The following CLVS2 variants were observed in gnomAD, a reference collection of about 807,000 sequenced individuals.
CLVS2 encodes the protein clavesin 2.
CLVS2 carries 19 observed loss-of-function variants against 29.0 expected under a neutral mutation model. The observed-to-expected ratio is 0.66, with a 90% CI of 0.46 to 0.96. CLVS2 has a LOEUF of 0.96. Among genes scored for constraint, CLVS2 ranks in the 40% least tolerant of loss-of-function variants. The pLI, the probability that CLVS2 is intolerant of heterozygous loss-of-function variation, is 0.00. For missense variants in CLVS2, 294 were observed against 404.1 expected, an observed-to-expected ratio of 0.73 and a Z score of 2.34; for synonymous variants, 161 against 151.3, an observed-to-expected ratio of 1.06 and a Z score of -0.47.
At position 123,031,013 on chromosome 6, in the gene CLVS2, G is replaced by A. The variant is rs537358385; in HGVS notation, c.565-17609G>A. On this transcript the variant is annotated intron_variant, in intron 3 of 5. Transcript: ENST00000275162. ...AGTGGCACAATCATGGCTCTTTGCCGCCTCAACCTCCTGGGCTCAAGTGAT... is the reference window on the plus strand; with the variant it reads ...AGTGGCACAATCATGGCTCTTTGCCACCTCAACCTCCTGGGCTCAAGTGAT... Among the ~76,000 whole-genome samples, 277 of 151,700 alleles carry A rather than the reference G, an allele frequency of 1.8e-3. 1 individual carries two copies. Among genetic ancestry groups the A allele is most frequent in the Non-Finnish European group, 3.0e-3 (204 of 67,932 alleles).
chr6:123,037,373 GGTAT>G (rs1433200661), intron 3 of CLVS2, among the ~76,000 whole-genome samples: 3 of 152,036 alleles, frequency 2.0e-5, no homozygotes, highest in African/African-American at 7.2e-5. Flanking sequence ...TTAACCCTTT[GGTAT>G]GACTCAGATT....
intron 3 of CLVS2, among the ~76,000 whole-genome samples, chr6:123,030,834 T>A (rs200985168): frequency 6.2e-4 from 66 of 107,276 alleles, no homozygotes; most frequent in Non-Finnish European, 9.1e-4. Context: ...TATATATATA[T>A]AAAATATATA....
intron 3 of CLVS2, among the ~76,000 whole-genome samples, chr6:123,027,312 A>C (rs1374200930): frequency 6.6e-6 from 1 of 152,200 alleles, no homozygotes; most frequent in Non-Finnish European, 1.5e-5. Flanking sequence ...ATACTCATAA[A>C]ATGGGATAAT....
In CLVS2 at chr6:123,010,097, A is replaced by G. The variant is rs919072140; in HGVS notation, c.390-888A>G. 9.9e-5 allele frequency among the ~76,000 whole-genome samples: 15 copies of G among 152,076 alleles called. 1 individual carries two copies. The highest frequency in any genetic ancestry group is 7.9e-4 in the Admixed American group (12 of 15,238). The stretch of plus-strand genomic sequence containing the variant: ...ATTTTACTATGTATTCAGGCTCTGA[A>G]GCTAAAATATGTGTCATTTTTTACT... On this transcript the variant is annotated intron_variant, in intron 2 of 5. Coordinates refer to ENST00000275162, the MANE Select transcript of CLVS2 (RefSeq NM_001010852.4).
intron 2 of CLVS2, among the ~76,000 whole-genome samples, chr6:123,005,012 A>T (rs572914881): frequency 6.6e-6 from 1 of 152,090 alleles, no homozygotes; most frequent in South Asian, 2.1e-4. Context: ...GGCACCATGG[A>T]GAGGGAAAGA....
intron 3 of CLVS2, among the ~76,000 whole-genome samples, chr6:123,045,755 G>A (rs1013787169): frequency 6.6e-6 from 1 of 152,168 alleles, no homozygotes; most frequent in African/African-American, 2.4e-5. Flanking sequence ...AATAGTGGAC[G>A]CAGACAAAGA....
intron 5 of CLVS2, among the ~76,000 whole-genome samples, chr6:123,059,222 C>T (rs528760441): frequency 2.2e-4 from 34 of 152,306 alleles, no homozygotes; most frequent in Admixed American, 1.3e-3. Flanking sequence ...TGATCTTTGT[C>T]ACCCACCTGG....
chr6:123,048,856 A>G, intron 4 of CLVS2, 124 bp downstream of exon 4: 1 of 623,672 alleles, frequency 1.6e-6, no homozygotes, highest in East Asian at 2.8e-5. Flanking sequence ...TCAACATAGA[A>G]GACATTTTAA....
chr6:123,053,654 T>TGGG (rs1772648103), intron 4 of CLVS2, among the ~76,000 whole-genome samples: 1 of 152,038 alleles, frequency 6.6e-6, no homozygotes, highest in Non-Finnish European at 1.5e-5. Context: ...GACAATTCCT[T>TGGG]GGGTGAATTT....
At position 123,071,314 on chromosome 6, in the gene CLVS2, A is replaced by T. The variant is rs1018596979; in HGVS notation, c.*7553A>T. 2 of 152,106 alleles carry T rather than the reference A, an allele frequency of 1.3e-5. No individual in the cohort carries two copies. The highest frequency in any genetic ancestry group is 1.3e-4 in the Admixed American group (2 of 15,234). The allele number at this position is 152,106 out of a possible 1,614,324, so 9.4% of individuals were successfully genotyped here. A position where few individuals can be genotyped will look rare whatever the true frequency, so the allele number is the denominator to read the frequency against. On this transcript the variant is annotated 3_prime_UTR_variant, in exon 6 of 6. Coordinates refer to ENST00000275162, the MANE Select transcript of CLVS2 (RefSeq NM_001010852.4). ...TATTTATCTTCAAAGGGGAAATTTT[A>T]CCCTCTCATGATAATAGAATCATGA...
chr6:123,003,799 G>A (rs2114298572), intron 2 of CLVS2, among the ~76,000 whole-genome samples: 1 of 152,348 alleles, frequency 6.6e-6, no homozygotes, highest in East Asian at 1.9e-4. Flanking sequence ...GGGCTACTCA[G>A]TGTTGTGTAG....
rs150385681 is a variant in CLVS2, at chr6:123,030,496, T to G, written c.565-18126T>G. ...TGTGATTGTTTGTTTGGAAAATTGC[T>G]CATTCCTTGCTGGCTGAGCATAAAG... On this transcript the variant is annotated intron_variant, in intron 3 of 5. Transcript: ENST00000275162. 8.5e-5 allele frequency among the ~76,000 whole-genome samples: 13 copies of G among 152,296 alleles called. No individual in the cohort carries two copies. The East Asian group carries it at 2.5e-3, about 29-fold the overall frequency.
intron 3 of CLVS2, among the ~76,000 whole-genome samples, chr6:123,012,689 A>C (rs974491249): frequency 6.6e-6 from 1 of 152,018 alleles, no homozygotes; most frequent in South Asian, 2.1e-4. Context: ...AAGGAACTAC[A>C]CTCAGATGAA....
intron 3 of CLVS2, among the ~76,000 whole-genome samples, chr6:123,016,459 C>T (rs1774835873): frequency 6.6e-6 from 1 of 151,756 alleles, no homozygotes; most frequent in African/African-American, 2.4e-5. Flanking sequence ...TGATTTTTAG[C>T]TTATCCTAGC....
intron 3 of CLVS2, among the ~76,000 whole-genome samples, chr6:123,044,279 T>C (rs1775276579): frequency 6.6e-6 from 1 of 152,248 alleles, no homozygotes; most frequent in Non-Finnish European, 1.5e-5. Context: ...TATTATTACT[T>C]TGTACTTTGT....
At chr6:123,031,091 C>G (rs1326881252) in intron 3 of CLVS2, among the ~76,000 whole-genome samples, 2 of 151,816 alleles carry the variant, frequency 1.3e-5, no homozygotes, top group African/African-American at 2.4e-5. Flanking sequence ...CACCACAACT[C>G]CTAGCTAACT....
chr6:123,048,173 A>G (rs1449828930), intron 3 of CLVS2, among the ~76,000 whole-genome samples: 5 of 152,068 alleles, frequency 3.3e-5, no homozygotes, highest in Non-Finnish European at 7.4e-5. Context: ...TGTGTCTGGC[A>G]TTTCTCACAC....
chr6:123,018,685 T>A (rs4609051), intron 3 of CLVS2, among the ~76,000 whole-genome samples: 92,880 of 143,054 alleles, frequency 0.65, 30,313 homozygotes, highest in East Asian at 0.78. Flanking sequence ...TTTTTTTTTT[T>A]AAAAAAAAGT....
rs1774500867 is a variant in CLVS2 at position 122,996,260 on chromosome 6, AGCC to A, written c.-1037_-1035del. ...GTCCTCTTTCAGCAGCAGCAGCCGG[AGCC>A]GCCGCCGCAGCCCGGTGGGGCAACC... On this transcript the variant is annotated 5_prime_UTR_variant, in exon 1 of 6. Transcript: ENST00000275162. The A allele has an allele frequency of 6.4e-6, 1 of 156,524 alleles. No homozygotes were observed. Among genetic ancestry groups the A allele is most frequent in the Non-Finnish European group, 1.4e-5 (1 of 71,474 alleles). 9.7% of individuals were successfully genotyped at this position (156,524 alleles called of 1,614,324 possible).
Sources: gnomAD v4.1 joint callset for allele counts (sites outside exome capture counted in the v4.1 genomes callset) on GRCh38, gnomAD v4.1.1 for gene constraint, MANE v1.5 for transcripts, NCBI Gene and HGNC (gene_info 2026-07-23, HGNC 2026-07-21) for gene names.